TSC22D4: variants seen among roughly 807,000 people sequenced by gnomAD.
TSC22D4 encodes TSC22 domain family protein 4.
TSC22D4 carries 5 observed loss-of-function variants against 24.9 expected under a neutral mutation model. The ratio of observed to expected loss-of-function variants is 0.20; its 90% CI spans 0.10 to 0.42. The LOEUF (loss-of-function observed/expected upper bound fraction) is 0.42, where lower values mean the gene tolerates loss of function less well. TSC22D4 is among the 10% of genes least tolerant of loss of function. The probability of loss-of-function intolerance (pLI) is 1.00; values close to 1 mark genes in which losing one functional copy is unlikely to be tolerated. For missense variants in TSC22D4, 469 were observed against 547.9 expected, an observed-to-expected ratio of 0.86 and a Z score of 1.44; for synonymous variants, 245 against 243.2, an observed-to-expected ratio of 1.01 and a Z score of -0.07.
Position 100,474,815 on chromosome 7 carries a change from T to C in TSC22D4, c.763-375A>G, listed in dbSNP as rs1799463014. ...TGCCTTCTTTTATGTTTTATTTTTA[T>C]TTTTTTGAGACAGTCTCACTCTGTC... On this transcript the variant is annotated intron_variant, in intron 2 of 4. Transcript: ENST00000300181. The surrounding 1 kb of genome is among the most constrained non-coding windows in gnomAD (Gnocchi z 4.3). 6.6e-6 allele frequency among the ~76,000 whole-genome samples: 1 copy of C among 152,158 alleles called. No homozygotes were observed. The highest frequency in any genetic ancestry group is 2.4e-5 in the African/African-American group (1 of 41,434).
At chr7:100,473,595 C>G (rs1219465461) in intron 3 of TSC22D4, among the ~76,000 whole-genome samples, 2 of 151,788 alleles carry the variant, frequency 1.3e-5, no homozygotes, top group African/African-American at 4.8e-5. Context: ...GCACGTACCA[C>G]CACGCCTGGC....
At chr7:100,471,654 C>T (rs773586305) in intron 3 of TSC22D4, among the ~76,000 whole-genome samples, 1 of 152,032 alleles carries the variant, frequency 6.6e-6, no homozygotes, top group Non-Finnish European at 1.5e-5. Flanking sequence ...CCAGGAGAAT[C>T]GCTTAAACCT....
intron 3 of TSC22D4, among the ~76,000 whole-genome samples, chr7:100,469,870 T>C (rs1196831180): frequency 3.9e-5 from 6 of 152,092 alleles, no homozygotes; most frequent in African/African-American, 1.4e-4. Context: ...GAGCTGGGAA[T>C]TTTCCATTTC....
chr7:100,475,147 G>A (rs1222521192), intron 2 of TSC22D4, among the ~76,000 whole-genome samples: 1 of 152,146 alleles, frequency 6.6e-6, no homozygotes, highest in Non-Finnish European at 1.5e-5. Context: ...GCAGTGACGT[G>A]ATCTTGGCTC....
intron 3 of TSC22D4, among the ~76,000 whole-genome samples, chr7:100,468,772 A>G (rs1799337807): frequency 6.6e-6 from 1 of 151,866 alleles, no homozygotes; most frequent in African/African-American, 2.4e-5. Context: ...CCCCATCTCT[A>G]CTGAAAATAC....
chr7:100,473,425 CA>C (rs1363916883), intron 3 of TSC22D4, among the ~76,000 whole-genome samples: 5 of 151,858 alleles, frequency 3.3e-5, no homozygotes, highest in Non-Finnish European at 7.4e-5. Flanking sequence ...AACTGATTTC[CA>C]TTCTTTTTCA....
Position 100,477,308 on chromosome 7 carries a change from A to C in TSC22D4, c.731T>G (p.Met244Arg), listed in dbSNP as rs746127350. The C allele has an allele frequency of 5.3e-6, 8 of 1,522,920 alleles. No homozygotes were observed. In the East Asian group the frequency reaches 1.8e-4, roughly 35 times the overall value. 94.3% of individuals were successfully genotyped at this position (1,522,920 alleles called of 1,614,324 possible). Residue 244 changes from methionine to arginine, a missense_variant, in exon 2 of 5, where the codon ATG becomes AGG. By Grantham distance (91) the Met-to-Arg change is moderately conservative (BLOSUM62 -1). Transcript: ENST00000300181. The surrounding 1 kb of genome is among the most constrained non-coding windows in gnomAD (Gnocchi z 7.8). ...RRKAVDMRLR[M>R]ELGAPEEMGQ... is the part of the protein sequence containing the mutation. ...CATCTCTTCTGGAGCACCCAACTCC[A>C]TCCGCAGCCGCATGTCTACAGCTTT...
rs1799283730 is a variant in TSC22D4 at position 100,466,727 on chromosome 7, T to C, written c.*232A>G. On this transcript the variant is annotated 3_prime_UTR_variant, in exon 5 of 5. Coordinates refer to ENST00000300181, the MANE Select transcript of TSC22D4 (RefSeq NM_030935.5). ...GGGGTCCCAGGAGGGAGGGTGGGGG[T>C]TGGTTCCCTCCCAGAGGGGGCTCCC... is the stretch of plus-strand genomic sequence containing the variant. 2 of 540,966 alleles carry C rather than the reference T, an allele frequency of 3.7e-6. No individual in the cohort carries two copies. The highest frequency in any genetic ancestry group is 6.5e-6 in the Non-Finnish European group (2 of 307,932). 33.5% of individuals were successfully genotyped at this position (540,966 alleles called of 1,614,324 possible). A position where few individuals can be genotyped will look rare whatever the true frequency, so the allele number is the denominator to read the frequency against.
intron 1 of TSC22D4, 43 bp from the exon 2 acceptor site, chr7:100,478,350 A>AGAGGGTGTGTGTGTGT (rs1228276528): frequency 1.2e-5 from 1 of 82,804 alleles, no homozygotes; most frequent in African/African-American, 7.5e-5. Flanking sequence ...AGAGAGAGAG[A>AGAGGGTGTGTGTGTGT]GTGTGTGTGT....
intron 2 of TSC22D4, among the ~76,000 whole-genome samples, chr7:100,475,774 G>A (rs369226399): frequency 4.6e-5 from 7 of 151,876 alleles, no homozygotes; most frequent in East Asian, 3.9e-4. Flanking sequence ...GGGCGGGGGC[G>A]ACAGGAACAT....
At chr7:100,468,158 A>C in intron 3 of TSC22D4, 40 of 263,668 alleles carry the variant, frequency 1.5e-4, no homozygotes, top group South Asian at 2.3e-4. Context: ...GGACACGGGG[A>C]CCCCCCCTCC....
At chr7:100,467,676 C>T (rs762746082) in intron 3 of TSC22D4, 76 bp from the exon 4 acceptor site, 14 of 1,336,944 alleles carry the variant, frequency 1.0e-5, no homozygotes, top group Admixed American at 7.0e-5. Context: ...CACAGCCTCC[C>T]GCCCACACCC....
rs1799282955 is a variant in TSC22D4, at chr7:100,466,689, CG to C, written c.*269del. The C allele has an allele frequency of 2.0e-6, 1 of 490,378 alleles. No homozygotes were observed. The highest frequency in any genetic ancestry group is 3.6e-6 in the Non-Finnish European group (1 of 277,032). 30.4% of individuals were successfully genotyped at this position (490,378 alleles called of 1,614,324 possible). On this transcript the variant is annotated 3_prime_UTR_variant, in exon 5 of 5. Coordinates refer to ENST00000300181, the MANE Select transcript of TSC22D4 (RefSeq NM_030935.5). ...CGGGGAGCCTCCGACTCCCCCAAGCCGTCTACTGCTGGGGGGTCCCAGGAGG... is the reference window on the plus strand; with the variant it reads ...CGGGGAGCCTCCGACTCCCCCAAGCCTCTACTGCTGGGGGGTCCCAGGAGG...
At position 100,477,352 on chromosome 7, in the gene TSC22D4, G is replaced by T. The variant is rs1395344089; in HGVS notation, c.687C>A (p.Thr229=). Reference sequence around the variant, plus strand: ...CAGCTTTCCTCCGGGACAGTGGAGGGGTCCTGGCCCCTGAGCCCCCAGCCT... The same window carrying T: ...CAGCTTTCCTCCGGGACAGTGGAGGTGTCCTGGCCCCTGAGCCCCCAGCCT... ...EAEAGGSGAR[T]PPLSRRKAVD... Residue 229 remains threonine (T), a synonymous_variant, in exon 2 of 5, where the codon ACC becomes ACA. Coordinates refer to ENST00000300181, the MANE Select transcript of TSC22D4 (RefSeq NM_030935.5). The surrounding 1 kb of genome is among the most constrained non-coding windows in gnomAD (Gnocchi z 7.8). 1 of 1,568,750 alleles carries T rather than the reference G, an allele frequency of 6.4e-7. No individual in the cohort carries two copies. The highest frequency in any genetic ancestry group is 2.0e-5 in the Admixed American group (1 of 50,902).
chr7:100,475,953 C>T (rs1052490794), intron 2 of TSC22D4, among the ~76,000 whole-genome samples: 10 of 151,388 alleles, frequency 6.6e-5, no homozygotes, highest in Non-Finnish European at 1.3e-4. Flanking sequence ...CATGAGGGGA[C>T]GTGGAAGGGA....
intron 3 of TSC22D4, among the ~76,000 whole-genome samples, chr7:100,472,803 G>A (rs1799419204): frequency 6.7e-6 from 1 of 149,208 alleles, no homozygotes; most frequent in East Asian, 2.1e-4. Flanking sequence ...TGAGGCCGCA[G>A]GACCCTATCA....
chr7:100,466,889 T>C lies in TSC22D4; in HGVS notation c.*70A>G. 2.1e-6 allele frequency: 3 copies of C among 1,402,248 alleles called. No homozygotes were observed. Among genetic ancestry groups the C allele is most frequent in the Non-Finnish European group, 2.9e-6 (3 of 1,045,654 alleles). The allele number at this position is 1,402,248 out of a possible 1,614,324, so 86.9% of individuals were successfully genotyped here. A position where few individuals can be genotyped will look rare whatever the true frequency, so the allele number is the denominator to read the frequency against. The stretch of plus-strand genomic sequence containing the variant: ...GGGACACGGGGACATTAAAGCTGCA[T>C]AGGAAGAGGGGGCAGGCGGCTGACG... On this transcript the variant is annotated 3_prime_UTR_variant, in exon 5 of 5. Transcript: ENST00000300181.
Position 100,477,414 on chromosome 7 carries a change from C to A in TSC22D4, c.625G>T (p.Ala209Ser). ...ETGESAGTSRAATPLPSLRVE... is the reference protein window; with the variant it reads ...ETGESAGTSRSATPLPSLRVE... ...CTCAGAGAGGGCAGGGGCGTGGCAG[C>A]CCGGGATGTGCCCGCACTCTCACCG... The change falls in exon 2 of 5, where the codon GCT (alanine) becomes TCT (serine). Residue 209 changes from alanine (A) to serine (S), a missense_variant. Coordinates refer to ENST00000300181, the MANE Select transcript of TSC22D4 (RefSeq NM_030935.5). The surrounding 1 kb of genome is among the most constrained non-coding windows in gnomAD (Gnocchi z 7.8). The A allele has an allele frequency of 6.3e-7, 1 of 1,593,862 alleles. No individual in the cohort carries two copies. The highest frequency in any genetic ancestry group is 8.6e-7 in the Non-Finnish European group (1 of 1,169,404).
At position 100,466,915 on chromosome 7, in the gene TSC22D4, C is replaced by A. The variant is rs1276885736; in HGVS notation, c.*44G>T. ...AGGAAGAGGGGGCAGGCGGCTGACGCAAGGCCGGGCAGCCCCAAAGGCACA... is the reference window on the plus strand; with the variant it reads ...AGGAAGAGGGGGCAGGCGGCTGACGAAAGGCCGGGCAGCCCCAAAGGCACA... On this transcript the variant is annotated 3_prime_UTR_variant, in exon 5 of 5. Transcript: ENST00000300181. 3.4e-6 allele frequency: 5 copies of A among 1,481,216 alleles called. No individual in the cohort carries two copies. Among genetic ancestry groups the A allele is most frequent in the African/African-American group, 2.8e-5 (2 of 71,110 alleles). The allele number at this position is 1,481,216 out of a possible 1,614,324, so 91.8% of individuals were successfully genotyped here.
Sources: allele counts gnomAD v4.1 joint callset (sites outside exome capture counted in the v4.1 genomes callset), GRCh38; gene constraint gnomAD v4.1.1; non-coding constraint Gnocchi (gnomAD v3.1); transcripts MANE v1.5; gene names NCBI Gene and HGNC (gene_info 2026-07-23, HGNC 2026-07-21).